BRD4: variants seen among roughly 807,000 people sequenced by gnomAD.
BRD4 encodes the protein bromodomain-containing protein 4.
BRD4 carries 16 observed loss-of-function variants against 142.1 expected under a neutral mutation model. The ratio of observed to expected loss-of-function variants is 0.11; its 90% CI spans 0.08 to 0.17. The LOEUF (loss-of-function observed/expected upper bound fraction) is 0.17. Ranked by LOEUF, BRD4 falls within the 10% of genes least tolerant of loss-of-function variation. BRD4 has a pLI of 1.00. For missense variants in BRD4, 1,424 were observed against 1,810.9 expected, an observed-to-expected ratio of 0.79 and a Z score of 3.88; for synonymous variants, 833 against 707.5, an observed-to-expected ratio of 1.18 and a Z score of -2.82.
intron 11 of BRD4, chr19:15,248,012 T>A (rs930136275): frequency 2.7e-5 from 6 of 219,490 alleles, no homozygotes; most frequent in Non-Finnish European, 5.5e-5. Context: ...ACCCAAGGGC[T>A]TGCCCATGGT....
At position 15,236,861 on chromosome 19, in the gene BRD4, T is replaced by C. The variant is rs1310541432; in HGVS notation, c.*1516A>G. ...CATTAAAAAAAGAGAGATGTGTTTATTCCATGATCAGTACAGACCAAATGC... is the reference window on the plus strand; with the variant it reads ...CATTAAAAAAAGAGAGATGTGTTTACTCCATGATCAGTACAGACCAAATGC... On this transcript the variant is annotated 3_prime_UTR_variant, in exon 20 of 20. Coordinates refer to ENST00000679869, the MANE Select transcript of BRD4 (RefSeq NM_001379291.1). 5.2e-6 allele frequency: 1 copy of C among 191,132 alleles called. No homozygotes were observed. The highest frequency in any genetic ancestry group is 8.1e-5 in the East Asian group (1 of 12,394). 11.8% of individuals were successfully genotyped at this position (191,132 alleles called of 1,614,324 possible). A position where few individuals can be genotyped will look rare whatever the true frequency, so the allele number is the denominator to read the frequency against.
At position 15,243,132 on chromosome 19, in the gene BRD4, TGG is replaced by T; in HGVS notation, c.2935_2936del (p.Pro979ThrfsTer113). 1 of 216,422 alleles carries T rather than the reference TGG, an allele frequency of 4.6e-6. No individual in the cohort carries two copies. The highest frequency in any genetic ancestry group is 7.2e-6 in the Non-Finnish European group (1 of 138,208). 13.4% of individuals were successfully genotyped at this position (216,422 alleles called of 1,614,324 possible). On this transcript the variant is annotated frameshift_variant, in exon 14 of 20. Coordinates refer to ENST00000679869, the MANE Select transcript of BRD4 (RefSeq NM_001379291.1). LOFTEE classifies it high-confidence loss of function. Reference sequence around the variant, plus strand: ...GCTGGGGTGGAGGCTGGGGCTGGGGTGGTGGGGGTGGTGGCGGCTGCTGCTGC... The same window carrying T: ...GCTGGGGTGGAGGCTGGGGCTGGGGTTGGGGGTGGTGGCGGCTGCTGCTGC... ...QLQQQPPPPPPPQPQPPPQQQ... is the reference protein window; with the variant it reads ...QLQQQPPPPPXPQPQPPPQQQ...
chr19:15,244,833 G>C, intron 11 of BRD4, 71 bp from the exon 12 acceptor site: 1 of 1,609,564 alleles, frequency 6.2e-7, no homozygotes, highest in Non-Finnish European at 8.5e-7. Context: ...GATGAAGAAA[G>C]ACGAGAAAAC....
chr19:15,326,916 G>A (rs1451900015), intron 1 of BRD4, among the ~76,000 whole-genome samples: 1 of 152,150 alleles, frequency 6.6e-6, no homozygotes, highest in East Asian at 1.9e-4. Flanking sequence ...TTACAATAAA[G>A]GAACTGCAAG....
chr19:15,236,589 G>A lies in BRD4; in HGVS notation c.*1788C>T, dbSNP rs1417009530. The A allele has an allele frequency of 6.5e-6, 1 of 154,534 alleles. No homozygotes were observed. The highest frequency in any genetic ancestry group is 1.4e-5 in the Non-Finnish European group (1 of 69,528). The allele number at this position is 154,534 out of a possible 1,614,324, so 9.6% of individuals were successfully genotyped here. A position where few individuals can be genotyped will look rare whatever the true frequency, so the allele number is the denominator to read the frequency against. On this transcript the variant is annotated 3_prime_UTR_variant, in exon 20 of 20. Coordinates refer to ENST00000679869, the MANE Select transcript of BRD4 (RefSeq NM_001379291.1). ...GGAGTCTGGCCAGGGTTCTGCTAGA[G>A]CACACCCTCCACCTCAGCCAGGGTC...
At chr19:15,276,868 G>A (rs2047652689) in intron 1 of BRD4, among the ~76,000 whole-genome samples, 2 of 152,330 alleles carry the variant, frequency 1.3e-5, no homozygotes, top group South Asian at 4.1e-4. Context: ...TGGAGGAGAA[G>A]GGCAGGGCTG....
intron 1 of BRD4, among the ~76,000 whole-genome samples, chr19:15,282,938 C>G (rs940617759): frequency 1.3e-5 from 2 of 152,194 alleles, no homozygotes; most frequent in East Asian, 3.9e-4. Context: ...TGCACTCCAG[C>G]CTAGGCGACA....
intron 1 of BRD4, among the ~76,000 whole-genome samples, chr19:15,318,894 G>C (rs1276503154): frequency 1.3e-5 from 2 of 152,188 alleles, no homozygotes; most frequent in African/African-American, 4.8e-5. Context: ...GGGGCACAGG[G>C]GCCCTGGGAA....
chr19:15,256,691 T>C (rs377734491), intron 8 of BRD4, among the ~76,000 whole-genome samples: 15 of 152,038 alleles, frequency 9.9e-5, no homozygotes, highest in Admixed American at 7.2e-4. Flanking sequence ...ACCTCCTCCT[T>C]CCAGATACTG....
intron 8 of BRD4, among the ~76,000 whole-genome samples, chr19:15,256,568 C>A (rs750417526): frequency 1.6e-4 from 25 of 152,258 alleles, no homozygotes; most frequent in Non-Finnish European, 2.5e-4. Context: ...GAAGGAGGGC[C>A]CCTAAGAATC....
chr19:15,328,900 A>G (rs1479352828), intron 1 of BRD4, among the ~76,000 whole-genome samples: 1 of 152,110 alleles, frequency 6.6e-6, no homozygotes, highest in Non-Finnish European at 1.5e-5. Flanking sequence ...CAGCCTCCCG[A>G]GTAGCTGGGA....
chr19:15,317,915 C>T (rs1021583603), intron 1 of BRD4, among the ~76,000 whole-genome samples: 2 of 152,240 alleles, frequency 1.3e-5, no homozygotes, highest in African/African-American at 4.8e-5. Context: ...AATCTGTCAG[C>T]TGAATGGTTT....
rs2047867481 is a variant in BRD4 at position 15,301,534 on chromosome 19, GCCT to G, written c.-34-28404_-34-28402del. Among the ~76,000 whole-genome samples, 16 of 148,576 alleles carry G rather than the reference GCCT, an allele frequency of 1.1e-4. 1 individual carries two copies. In the Admixed American group the frequency reaches 1.1e-3, roughly 10 times the overall value. On this transcript the variant is annotated intron_variant, in intron 1 of 19. Coordinates refer to ENST00000679869, the MANE Select transcript of BRD4 (RefSeq NM_001379291.1). The stretch of plus-strand genomic sequence containing the variant: ...CGAGATCGCACCACACTGCACTCCA[GCCT>G]GGGCGACAGAGCAAGACTACGTCTC...
chr19:15,324,792 A>G (rs1233606513), intron 1 of BRD4, among the ~76,000 whole-genome samples: 3 of 152,176 alleles, frequency 2.0e-5, no homozygotes, highest in Admixed American at 6.5e-5. Context: ...CATTTCCCCA[A>G]ACTCTGCAGC....
chr19:15,292,555 G>T (rs887028347), intron 1 of BRD4, among the ~76,000 whole-genome samples: 5 of 152,038 alleles, frequency 3.3e-5, no homozygotes, highest in Non-Finnish European at 7.4e-5. Flanking sequence ...GAGGCGGGCG[G>T]ATCACGAGGT....
At chr19:15,331,957 C>T (rs2048164830) in intron 1 of BRD4, 1 of 138,348 alleles carries the variant, frequency 7.2e-6, no homozygotes, top group East Asian at 2.1e-4. Flanking sequence ...CGCCCGCCCC[C>T]GACCGCCGGC....
intron 1 of BRD4, among the ~76,000 whole-genome samples, chr19:15,290,161 G>T (rs1436839200): frequency 6.6e-6 from 1 of 152,110 alleles, no homozygotes; most frequent in Non-Finnish European, 1.5e-5. Context: ...CTTCACTGAG[G>T]ATCCATTGGA....
Position 15,263,410 on chromosome 19 carries a change from C to G in BRD4, c.1341+10G>C. On this transcript the variant is annotated intron_variant, in intron 7 of 19. Coordinates refer to ENST00000679869, the MANE Select transcript of BRD4 (RefSeq NM_001379291.1). ...TCTGCTGAGGGTGGCTGCGCCCTCC[C>G]AAGCCTCACCTGGAGCTTGCGGGCC... 2 of 1,613,254 alleles carry G rather than the reference C, an allele frequency of 1.2e-6. No individual in the cohort carries two copies. Among genetic ancestry groups the G allele is most frequent in the Middle Eastern group, 1.7e-4 (1 of 6,060 alleles).
intron 1 of BRD4, among the ~76,000 whole-genome samples, chr19:15,292,195 TC>T (rs945300690): frequency 6.6e-6 from 1 of 152,180 alleles, no homozygotes; most frequent in African/African-American, 2.4e-5. Context: ...TACTTAATGA[TC>T]CCACCCTGGT....
Sources: allele counts gnomAD v4.1 joint callset (sites outside exome capture counted in the v4.1 genomes callset), GRCh38; gene constraint gnomAD v4.1.1; transcripts MANE v1.5; gene names NCBI Gene and HGNC (gene_info 2026-07-23, HGNC 2026-07-21).